The following CASR variants were observed in gnomAD, a reference collection of about 807,000 sequenced individuals.
CASR encodes extracellular calcium-sensing receptor.
A neutral mutation model predicts 69.1 loss-of-function variants in CASR; 23 were observed. That is an observed-to-expected ratio of 0.33 (90% CI 0.24 to 0.47). CASR has a LOEUF of 0.47. Ranked by LOEUF, CASR falls within the 20% of genes least tolerant of loss-of-function variation. The pLI, the probability that CASR is intolerant of heterozygous loss-of-function variation, is 1.00. For missense variants in CASR, 924 were observed against 1,356.1 expected, an observed-to-expected ratio of 0.68 and a Z score of 5.00; for synonymous variants, 541 against 544.7, an observed-to-expected ratio of 0.99 and a Z score of 0.10.
chr3:122,238,144 G>C (rs989669359), intron 1 of CASR, among the ~76,000 whole-genome samples: 3 of 152,166 alleles, frequency 2.0e-5, no homozygotes, highest in Non-Finnish European at 4.4e-5. Context: ...TGCTCAAAGA[G>C]GCACTGAGGA....
chr3:122,253,994 A>G lies in CASR; in HGVS notation c.-196A>G. 1.5e-6 allele frequency: 1 copy of G among 645,536 alleles called. No individual in the cohort carries two copies. The highest frequency in any genetic ancestry group is 2.8e-6 in the Non-Finnish European group (1 of 361,070). The allele number at this position is 645,536 out of a possible 1,614,324, so 40.0% of individuals were successfully genotyped here. A position where few individuals can be genotyped will look rare whatever the true frequency, so the allele number is the denominator to read the frequency against. On this transcript the variant is annotated 5_prime_UTR_variant, in exon 2 of 7. Coordinates refer to ENST00000639785, the MANE Select transcript of CASR (RefSeq NM_000388.4). ...GCATGATGTGGCTTCCAAAGACTCAAGGACCACCCACATTACAAGTCTGGA... is the reference window on the plus strand; with the variant it reads ...GCATGATGTGGCTTCCAAAGACTCAGGGACCACCCACATTACAAGTCTGGA...
At chr3:122,187,203 G>A (rs572935998) in intron 1 of CASR, among the ~76,000 whole-genome samples, 3 of 152,294 alleles carry the variant, frequency 2.0e-5, no homozygotes, top group Admixed American at 1.3e-4. Context: ...GAAAATAGGT[G>A]TGGCAGGTGG....
chr3:122,231,137 CCTGCAG>C (rs2074274426), intron 1 of CASR, among the ~76,000 whole-genome samples: 3 of 152,188 alleles, frequency 2.0e-5, no homozygotes, highest in African/African-American at 4.8e-5. Context: ...AGAAGTGTGT[CCTGCAG>C]CTAATCCCAT....
rs1293411712 is a variant in CASR at position 122,286,897 on chromosome 3, G to T, written c.*1706G>T. On this transcript the variant is annotated 3_prime_UTR_variant, in exon 7 of 7. Coordinates refer to ENST00000639785, the MANE Select transcript of CASR (RefSeq NM_000388.4). ...CCAAAGGGGCGCCTTTCAGTGATTTGTAGGGCAAATTGGTGGACTTGATAG... is the reference window on the plus strand; with the variant it reads ...CCAAAGGGGCGCCTTTCAGTGATTTTTAGGGCAAATTGGTGGACTTGATAG... The T allele has an allele frequency of 6.6e-6, 1 of 152,234 alleles. No individual in the cohort carries two copies. Among genetic ancestry groups the T allele is most frequent in the African/African-American group, 2.4e-5 (1 of 41,448 alleles). 9.4% of individuals were successfully genotyped at this position (152,234 alleles called of 1,614,324 possible). A position where few individuals can be genotyped will look rare whatever the true frequency, so the allele number is the denominator to read the frequency against.
intron 1 of CASR, among the ~76,000 whole-genome samples, chr3:122,248,651 C>T (rs1356292427): frequency 6.8e-6 from 1 of 147,574 alleles, no homozygotes; most frequent in African/African-American, 2.5e-5. Context: ...AAAATAGTAG[C>T]TTTTGAGCTT....
At chr3:122,201,680 C>T (rs1248706136) in intron 1 of CASR, among the ~76,000 whole-genome samples, 2 of 147,546 alleles carry the variant, frequency 1.4e-5, no homozygotes, top group Admixed American at 6.6e-5. Flanking sequence ...GGGGGCTGAC[C>T]CCCACCTCCC....
intron 1 of CASR, among the ~76,000 whole-genome samples, chr3:122,227,692 C>T (rs548826155): frequency 2.1e-4 from 32 of 152,270 alleles, no homozygotes; most frequent in African/African-American, 7.7e-4. Context: ...GAGGAGGCAC[C>T]GAGAGTGAGT....
intron 2 of CASR, among the ~76,000 whole-genome samples, chr3:122,255,907 A>AGAAG (rs150945404): frequency 6.6e-6 from 1 of 151,380 alleles, no homozygotes; most frequent in Non-Finnish European, 1.5e-5. Flanking sequence ...CACAATATAA[A>AGAAG]GAACCTGGTG....
chr3:122,196,807 CCAGTTTTACTGAGGTATAATTCA>C lies in CASR; in HGVS notation c.-243+12998_-243+13020del, dbSNP rs1186774082. On this transcript the variant is annotated intron_variant, in intron 1 of 6. Coordinates refer to ENST00000639785, the MANE Select transcript of CASR (RefSeq NM_000388.4). ...CTGCATGTTGTCCCCTTTGCTACCC[CCAGTTTTACTGAGGTATAATTCA>C]CAAATAAAATTATATATGTTTAAGA... 2.6e-5 allele frequency among the ~76,000 whole-genome samples: 4 copies of C among 151,908 alleles called. No homozygotes were observed. In the East Asian group the frequency reaches 7.7e-4, roughly 29 times the overall value.
intron 4 of CASR, among the ~76,000 whole-genome samples, chr3:122,266,853 A>C (rs1168671073): frequency 1.3e-5 from 2 of 151,970 alleles, no homozygotes; most frequent in Admixed American, 6.6e-5. Flanking sequence ...AAATACAAAA[A>C]ATTAGCCGGG....
At chr3:122,198,169 AG>A (rs1300978234) in intron 1 of CASR, among the ~76,000 whole-genome samples, 3 of 152,240 alleles carry the variant, frequency 2.0e-5, no homozygotes, top group African/African-American at 7.2e-5. Context: ...GTCTCCATAA[AG>A]AGCAAATTAT....
intron 3 of CASR, among the ~76,000 whole-genome samples, chr3:122,260,554 A>T (rs1411980860): frequency 2.0e-5 from 3 of 152,218 alleles, no homozygotes; most frequent in African/African-American, 4.8e-5. Context: ...CCAATGGAAG[A>T]TTCTTCACAA....
At chr3:122,275,783 G>T in intron 4 of CASR, 29 bp from the exon 5 acceptor site, 1 of 1,463,250 alleles carries the variant, frequency 6.8e-7, no homozygotes. Flanking sequence ...CAGCCCTGGG[G>T]CTTGTACTCA....
chr3:122,273,579 C>T (rs2074783104), intron 4 of CASR, among the ~76,000 whole-genome samples: 1 of 152,152 alleles, frequency 6.6e-6, no homozygotes, highest in South Asian at 2.1e-4. Context: ...AACATTTGCA[C>T]TGACAAGTCA....
chr3:122,203,298 T>C (rs2073975514), intron 1 of CASR, among the ~76,000 whole-genome samples: 1 of 152,230 alleles, frequency 6.6e-6, no homozygotes. Flanking sequence ...AGTCATGGGT[T>C]GCTTTACAAT....
intron 1 of CASR, among the ~76,000 whole-genome samples, chr3:122,217,108 A>ATTT (rs34569113): frequency 2.7e-5 from 4 of 146,830 alleles, no homozygotes; most frequent in Admixed American, 6.8e-5. Context: ...GGAAAGTAAA[A>ATTT]TTTTTTTTTT....
At chr3:122,236,031 G>A (rs868201946) in intron 1 of CASR, among the ~76,000 whole-genome samples, 16 of 152,158 alleles carry the variant, frequency 1.1e-4, no homozygotes, top group Admixed American at 7.9e-4. Flanking sequence ...GCTGATGCTC[G>A]TCCAAGGACC....
At chr3:122,239,104 A>G (rs1559949074) in intron 1 of CASR, among the ~76,000 whole-genome samples, 1 of 152,250 alleles carries the variant, frequency 6.6e-6, no homozygotes, top group East Asian at 1.9e-4. Flanking sequence ...GGTGTGGAGC[A>G]CCAAGCGGGC....
In CASR at chr3:122,285,083, G is replaced by A. The variant is rs374529579; in HGVS notation, c.3129G>A (p.Glu1043=). 6 of 1,614,220 alleles carry A rather than the reference G, an allele frequency of 3.7e-6. No individual in the cohort carries two copies. The highest frequency in any genetic ancestry group is 5.1e-6 in the Non-Finnish European group (6 of 1,180,040). ...QGPVGGDQRP[E]VEDPEELSPA... is the part of the protein sequence containing the mutation. ...CTGTGGGTGGAGACCAGCGGCCAGA[G>A]GTGGAGGACCCTGAAGAGTTGTCCC... Residue 1043 remains glutamate (E), a synonymous_variant, in exon 7 of 7, where the codon GAG becomes GAA. Coordinates refer to ENST00000639785, the MANE Select transcript of CASR (RefSeq NM_000388.4).
Sources: allele counts gnomAD v4.1 joint callset (sites outside exome capture counted in the v4.1 genomes callset), GRCh38; gene constraint gnomAD v4.1.1; transcripts MANE v1.5; gene names NCBI Gene and HGNC (gene_info 2026-07-23, HGNC 2026-07-21).